The following BCL2L11 variants were observed in gnomAD, a reference collection of about 807,000 sequenced individuals.
BCL2L11 encodes the protein bcl-2-like protein 11.
A neutral mutation model predicts 20.6 loss-of-function variants in BCL2L11; 15 were observed. The observed-to-expected ratio is 0.73, with a 90% CI of 0.49 to 1.12. The LOEUF (loss-of-function observed/expected upper bound fraction) is 1.12, where lower values mean the gene tolerates loss of function less well. BCL2L11 is among the 50% of genes most tolerant of loss of function. The pLI is 0.00. For synonymous variants in BCL2L11, 108 were observed against 92.8 expected (o/e 1.16, Z -0.94); for missense variants, 292 against 260.9 (o/e 1.12, Z -0.82).
chr2:111,164,096 A>AATGG, intron 3 of BCL2L11, 37 bp from the exon 4 acceptor site: 3 of 679,948 alleles, frequency 4.4e-6, no homozygotes, highest in Non-Finnish European at 7.9e-6. Flanking sequence ...CCCCCAAATT[A>AATGG]GGGAGAAACT....
At chr2:111,158,243 T>C (rs936640101) in intron 3 of BCL2L11, among the ~76,000 whole-genome samples, 1 of 152,220 alleles carries the variant, frequency 6.6e-6, no homozygotes, top group Non-Finnish European at 1.5e-5. Flanking sequence ...GTTAAAATGC[T>C]GTTTAGACTG....
intron 2 of BCL2L11, chr2:111,142,234 T>C: frequency 1.6e-6 from 2 of 1,258,436 alleles, no homozygotes; most frequent in East Asian, 2.5e-5. Context: ...TCCTGTTCTT[T>C]TCCTTCTGTG....
chr2:111,166,690 C>T lies in BCL2L11; in HGVS notation c.*2459C>T, dbSNP rs980171227. The T allele has an allele frequency of 6.6e-6, 1 of 152,624 alleles. No individual in the cohort carries two copies. Among genetic ancestry groups the T allele is most frequent in the African/African-American group, 2.4e-5 (1 of 41,440 alleles). The allele number at this position is 152,624 out of a possible 1,614,324, so 9.5% of individuals were successfully genotyped here. A position where few individuals can be genotyped will look rare whatever the true frequency, so the allele number is the denominator to read the frequency against. On this transcript the variant is annotated 3_prime_UTR_variant, in exon 4 of 4. Coordinates refer to ENST00000393256, the MANE Select transcript of BCL2L11 (RefSeq NM_138621.5). ...TGTCCTGTGACTTAACACAGAAACG[C>T]AATAAACACACACAAAATAGTTTCA...
In BCL2L11 at chr2:111,147,344, T is replaced by A. The variant is rs953450295; in HGVS notation, c.395-2700T>A. 3.0e-5 allele frequency among the ~76,000 whole-genome samples: 4 copies of A among 132,598 alleles called. No homozygotes were observed. The Admixed American group carries it at 3.1e-4, about 10-fold the overall frequency. The allele number at this position is 132,598 out of a possible 152,430, so 87.0% of individuals were successfully genotyped here. On this transcript the variant is annotated intron_variant, in intron 2 of 3. Transcript: ENST00000393256. ...CCTCCTGTATCTCTCTCTCTCTCTCTCTCACACACACACACACACACACAC... is the reference window on the plus strand; with the variant it reads ...CCTCCTGTATCTCTCTCTCTCTCTCACTCACACACACACACACACACACAC...
intron 2 of BCL2L11, among the ~76,000 whole-genome samples, chr2:111,130,893 G>A (rs1049588478): frequency 1.3e-5 from 2 of 152,124 alleles, no homozygotes; most frequent in African/African-American, 4.8e-5. Flanking sequence ...ATATTAACCT[G>A]TTGATATGGT....
intron 2 of BCL2L11, among the ~76,000 whole-genome samples, chr2:111,125,150 G>T (rs989673839): frequency 2.0e-5 from 3 of 152,192 alleles, no homozygotes; most frequent in Non-Finnish European, 4.4e-5. Context: ...TTCCTATATT[G>T]CAAGATAACC....
chr2:111,124,580 G>A (rs1045334776), intron 2 of BCL2L11, among the ~76,000 whole-genome samples: 3 of 152,158 alleles, frequency 2.0e-5, no homozygotes, highest in Non-Finnish European at 4.4e-5. Context: ...GTGAGCCACC[G>A]CGCATGGCCC....
chr2:111,157,486 A>G (rs2078009119), intron 3 of BCL2L11, among the ~76,000 whole-genome samples: 1 of 152,152 alleles, frequency 6.6e-6, no homozygotes, highest in Non-Finnish European at 1.5e-5. Flanking sequence ...CTAATATTCC[A>G]ACTACTGGTG....
chr2:111,122,589 G>A (rs1416520230), intron 1 of BCL2L11: 11 of 983,834 alleles, frequency 1.1e-5, no homozygotes, highest in Admixed American at 6.2e-5. Context: ...CAGCGGCGCG[G>A]GGAGGTCGGC....
intron 3 of BCL2L11, among the ~76,000 whole-genome samples, chr2:111,156,760 A>G (rs748226688): frequency 7.2e-5 from 11 of 152,156 alleles, no homozygotes; most frequent in Non-Finnish European, 1.3e-4. Flanking sequence ...TAGGAGGCCA[A>G]TTGTCTGGTC....
At chr2:111,149,242 T>C (rs1023669260) in intron 2 of BCL2L11, among the ~76,000 whole-genome samples, 3 of 152,212 alleles carry the variant, frequency 2.0e-5, no homozygotes, top group African/African-American at 7.2e-5. Context: ...CATTTTTGGC[T>C]GTCACATGGC....
intron 3 of BCL2L11, among the ~76,000 whole-genome samples, chr2:111,157,745 T>C (rs3789064): frequency 0.41 from 62,628 of 152,144 alleles, 13,466 homozygotes; most frequent in Non-Finnish European, 0.48. Flanking sequence ...TCATAATTTC[T>C]TTGAAATAGT....
Position 111,121,067 on chromosome 2 carries a change from A to T in BCL2L11, c.-135A>T, listed in dbSNP as rs2070795463. 2 of 346,948 alleles carry T rather than the reference A, an allele frequency of 5.8e-6. No individual in the cohort carries two copies. The highest frequency in any genetic ancestry group is 1.0e-5 in the Non-Finnish European group (2 of 193,538). The allele number at this position is 346,948 out of a possible 1,614,324, so 21.5% of individuals were successfully genotyped here. The stretch of plus-strand genomic sequence containing the variant: ...GCAGCCACCCTGCGAACCCTGCCAC[A>T]CTGCGATCGCATCATCGCGGTATTC... On this transcript the variant is annotated 5_prime_UTR_variant, in exon 1 of 4. Transcript: ENST00000393256.
chr2:111,121,076 G>A lies in BCL2L11; in HGVS notation c.-126G>A, dbSNP rs1327606544. 1.5e-5 allele frequency: 5 copies of A among 334,548 alleles called. No homozygotes were observed. The highest frequency in any genetic ancestry group is 1.0e-4 in the Admixed American group (2 of 19,564). 20.7% of individuals were successfully genotyped at this position (334,548 alleles called of 1,614,324 possible). ...CTGCGAACCCTGCCACACTGCGATC[G>A]CATCATCGCGGTATTCGGTTCGCTG... On this transcript the variant is annotated 5_prime_UTR_variant, in exon 1 of 4. Transcript: ENST00000393256.
chr2:111,136,348 C>T (rs993630433), intron 2 of BCL2L11, among the ~76,000 whole-genome samples: 1 of 152,250 alleles, frequency 6.6e-6, no homozygotes, highest in African/African-American at 2.4e-5. Context: ...TCCTATTTCC[C>T]GCTTCAGTTT....
chr2:111,167,949 A>G lies in BCL2L11; in HGVS notation c.*3718A>G, dbSNP rs529109196. 1 of 152,790 alleles carries G rather than the reference A, an allele frequency of 6.5e-6. No homozygotes were observed. The highest frequency in any genetic ancestry group is 1.5e-5 in the Non-Finnish European group (1 of 68,068). 9.5% of individuals were successfully genotyped at this position (152,790 alleles called of 1,614,324 possible). ...AGGAGACTTCATGGTGGTTCCATGC[A>G]GGTGGTTCTGCCATCCCTGCTGATT... On this transcript the variant is annotated 3_prime_UTR_variant, in exon 4 of 4. Coordinates refer to ENST00000393256, the MANE Select transcript of BCL2L11 (RefSeq NM_138621.5).
chr2:111,167,624 G>T lies in BCL2L11; in HGVS notation c.*3393G>T, dbSNP rs1354197775. ...AGGGCCAGGCAGGACAAGTGAATGG[G>T]TGGGACAGGTGGCTCCTGCCTAAGG... On this transcript the variant is annotated 3_prime_UTR_variant, in exon 4 of 4. Transcript: ENST00000393256. 6.6e-6 allele frequency: 1 copy of T among 152,262 alleles called. No individual in the cohort carries two copies. The highest frequency in any genetic ancestry group is 2.4e-5 in the African/African-American group (1 of 41,452). 9.4% of individuals were successfully genotyped at this position (152,262 alleles called of 1,614,324 possible). A position where few individuals can be genotyped will look rare whatever the true frequency, so the allele number is the denominator to read the frequency against.
chr2:111,163,239 G>GTCA (rs1055089896), intron 3 of BCL2L11: 1 of 152,230 alleles, frequency 6.6e-6, no homozygotes, highest in African/African-American at 2.4e-5. Flanking sequence ...TGGAGAGACA[G>GTCA]TCATGTAGCC....
At chr2:111,147,344 TCTCACACACACA>T (rs1277067341) in intron 2 of BCL2L11, among the ~76,000 whole-genome samples, 3 of 132,596 alleles carry the variant, frequency 2.3e-5, no homozygotes, top group South Asian at 2.6e-4. Flanking sequence ...TCTCTCTCTC[TCTCACACACACA>T]CACACACACA....
Sources: gnomAD v4.1 joint callset for allele counts (sites outside exome capture counted in the v4.1 genomes callset) on GRCh38, gnomAD v4.1.1 for gene constraint, MANE v1.5 for transcripts, NCBI Gene and HGNC (gene_info 2026-07-23, HGNC 2026-07-21) for gene names.